The following RAB5B variants were observed in gnomAD, a reference collection of about 807,000 sequenced individuals.
RAB5B encodes the protein RAB5B, member RAS oncogene family.
Under a neutral mutation model 28.6 loss-of-function variants are expected in RAB5B, and 11 were observed. The observed-to-expected ratio is 0.38, with a 90% CI of 0.24 to 0.64. The LOEUF is 0.64. Ranked by LOEUF, RAB5B falls within the 30% of genes least tolerant of loss-of-function variation. RAB5B has a pLI of 0.53. For synonymous variants in RAB5B, 93 were observed against 97.9 expected (o/e 0.95, Z 0.29); for missense variants, 169 against 265.6 (o/e 0.64, Z 2.53).
At chr12:55,985,549 C>T (rs996971619) in intron 1 of RAB5B, 9 of 331,966 alleles carry the variant, frequency 2.7e-5, no homozygotes, top group South Asian at 6.9e-5. Flanking sequence ...CAGATTTAGA[C>T]GATTAGAATC....
At chr12:55,974,667 T>C (rs1889596156) in intron 1 of RAB5B, among the ~76,000 whole-genome samples, 1 of 152,002 alleles carries the variant, frequency 6.6e-6, no homozygotes, top group South Asian at 2.1e-4. Flanking sequence ...GGTGCTATGG[T>C]GTTGAGCTGA....
chr12:55,982,426 T>C (rs1889835128), intron 1 of RAB5B, among the ~76,000 whole-genome samples: 1 of 152,144 alleles, frequency 6.6e-6, no homozygotes, highest in South Asian at 2.1e-4. Context: ...TAGAGGTGGC[T>C]CAACAATTGC....
chr12:55,985,850 C>G (rs1315310465), intron 1 of RAB5B: 8 of 344,920 alleles, frequency 2.3e-5, no homozygotes, highest in Non-Finnish European at 4.1e-5. Context: ...CTTACTGATT[C>G]TTGATAGACT....
chr12:55,982,872 T>C (rs1202854804), intron 1 of RAB5B, among the ~76,000 whole-genome samples: 4 of 152,194 alleles, frequency 2.6e-5, no homozygotes, highest in Non-Finnish European at 4.4e-5. Context: ...TCCTTTATTG[T>C]AGAGTAGTAA....
chr12:55,986,542 G>A (rs71459327), intron 1 of RAB5B, among the ~76,000 whole-genome samples: 11,356 of 152,250 alleles, frequency 0.075, 472 homozygotes, highest in Non-Finnish European at 0.081. Context: ...TATTCTTCAG[G>A]CCAGCTAAAG....
In RAB5B at chr12:55,987,565, C is replaced by A. The variant is rs373255912; in HGVS notation, c.163+442C>A. On this transcript the variant is annotated intron_variant, in intron 2 of 5. Coordinates refer to ENST00000360299, the MANE Select transcript of RAB5B (RefSeq NM_002868.4). The stretch of plus-strand genomic sequence containing the variant: ...GGAAACCCTTTATAAAAACAGAGGC[C>A]GGTCCCAGTGGCCCACCACTTTGGG... Among the ~76,000 whole-genome samples the A allele has an allele frequency of 2.8e-3, 427 of 152,182 alleles. 3 individuals carry two copies. Among genetic ancestry groups the A allele is most frequent in the African/African-American group, 0.01 (419 of 41,530 alleles).
chr12:55,987,119 T>C lies in RAB5B; in HGVS notation c.159T>C (p.Ile53=). The change falls in exon 2 of 6, where the codon ATT becomes ATC. Residue 53 remains isoleucine (I), a synonymous_variant. Transcript: ENST00000360299. ...TCCATGAGTACCAGGAGAGCACCATTGGAGGTGAGTGCCTTGGGGTAATAG... is the reference window on the plus strand; with the variant it reads ...TCCATGAGTACCAGGAGAGCACCATCGGAGGTGAGTGCCTTGGGGTAATAG... ...GQFHEYQEST[I]GAAFLTQSVC... is the part of the protein sequence containing the mutation. 2 of 1,612,980 alleles carry C rather than the reference T, an allele frequency of 1.2e-6. No homozygotes were observed. The highest frequency in any genetic ancestry group is 3.3e-5 in the Admixed American group (2 of 59,978).
In RAB5B at chr12:55,992,938, T is replaced by G. The variant is rs1354276002; in HGVS notation, c.*726T>G. On this transcript the variant is annotated 3_prime_UTR_variant, in exon 6 of 6. Coordinates refer to ENST00000360299, the MANE Select transcript of RAB5B (RefSeq NM_002868.4). ...AGTGTCAACTGTGGCTCTGTAACTC[T>G]TCAAAGGCCCAGTTTCCCCTCACGC... 9.4e-6 allele frequency: 2 copies of G among 211,724 alleles called. No homozygotes were observed. The highest frequency in any genetic ancestry group is 9.3e-6 in the Non-Finnish European group (1 of 107,200). 13.1% of individuals were successfully genotyped at this position (211,724 alleles called of 1,614,324 possible).
intron 1 of RAB5B, among the ~76,000 whole-genome samples, chr12:55,981,342 G>C (rs1194681047): frequency 1.3e-5 from 2 of 152,068 alleles, no homozygotes; most frequent in South Asian, 4.2e-4. Flanking sequence ...AGGATTACAG[G>C]TGTAAGCCAC....
Position 55,996,003 on chromosome 12 carries a change from A to ATATATTTTTTTTTTTT in RAB5B, c.*3792_*3793insATATTTTTTTTTTTTT. On this transcript the variant is annotated 3_prime_UTR_variant, in exon 6 of 6. Coordinates refer to ENST00000360299, the MANE Select transcript of RAB5B (RefSeq NM_002868.4). ...TATATACATATATATATATATATAT[A>ATATATTTTTTTTTTTT]TTTTTTTTTTAACAACTGGTAGGAT... The ATATATTTTTTTTTTTT allele has an allele frequency of 2.1e-5, 2 of 97,434 alleles. No individual in the cohort carries two copies. The allele number at this position is 97,434 out of a possible 1,614,324, so 6.0% of individuals were successfully genotyped here.
In RAB5B at chr12:55,992,708, G is replaced by A. The variant is rs1231087005; in HGVS notation, c.*496G>A. On this transcript the variant is annotated 3_prime_UTR_variant, in exon 6 of 6. Coordinates refer to ENST00000360299, the MANE Select transcript of RAB5B (RefSeq NM_002868.4). ...CATTTACATTAAGGGCCCTGGGGGAGAATAAAGCTCAGAGCAGGAGGGAGT... is the reference window on the plus strand; with the variant it reads ...CATTTACATTAAGGGCCCTGGGGGAAAATAAAGCTCAGAGCAGGAGGGAGT... The A allele has an allele frequency of 1.6e-5, 6 of 366,324 alleles. No homozygotes were observed. The highest frequency in any genetic ancestry group is 3.9e-4 in the Middle Eastern group (1 of 2,572). 22.7% of individuals were successfully genotyped at this position (366,324 alleles called of 1,614,324 possible).
intron 2 of RAB5B, among the ~76,000 whole-genome samples, chr12:55,988,935 C>CTTTTTT (rs35994383): frequency 1.9e-4 from 18 of 94,674 alleles, no homozygotes; most frequent in Non-Finnish European, 2.3e-4. Flanking sequence ...CTAATTAATT[C>CTTTTTT]TTTTTTTTTT....
At chr12:55,980,071 G>A (rs1889757937) in intron 1 of RAB5B, among the ~76,000 whole-genome samples, 1 of 152,162 alleles carries the variant, frequency 6.6e-6, no homozygotes, top group South Asian at 2.1e-4. Flanking sequence ...CCCTTTGCAG[G>A]ACCCTAAAAC....
At chr12:55,978,825 T>C (rs907603484) in intron 1 of RAB5B, among the ~76,000 whole-genome samples, 4 of 149,906 alleles carry the variant, frequency 2.7e-5, no homozygotes, top group Non-Finnish European at 5.9e-5. Flanking sequence ...CAGGCTGGAG[T>C]ACAGTGGTGC....
At chr12:55,978,927 C>A (rs141892507) in intron 1 of RAB5B, among the ~76,000 whole-genome samples, 1 of 152,228 alleles carries the variant, frequency 6.6e-6, no homozygotes, top group Non-Finnish European at 1.5e-5. Context: ...CCTGTGCCAA[C>A]ATGCCCAGCT....
At chr12:55,986,749 A>T (rs1889961506) in intron 1 of RAB5B, 120 bp from the exon 2 acceptor site, 7 of 585,842 alleles carry the variant, frequency 1.2e-5, no homozygotes, top group Non-Finnish European at 2.1e-5. Flanking sequence ...GCTGCCTGGG[A>T]CCTTCTCAGA....
chr12:55,985,917 A>G (rs1889939422), intron 1 of RAB5B, among the ~76,000 whole-genome samples: 1 of 151,758 alleles, frequency 6.6e-6, no homozygotes, highest in Non-Finnish European at 1.5e-5. Context: ...AATGAAACAA[A>G]GAGTTGATAA....
In RAB5B at chr12:55,992,129, C is replaced by T. The variant is rs923837637; in HGVS notation, c.565C>T (p.Leu189=). Residue 189 remains leucine (L), a synonymous_variant, in exon 6 of 6, where the codon CTG becomes TTG. Coordinates refer to ENST00000360299, the MANE Select transcript of RAB5B (RefSeq NM_002868.4). ...KKLPKSEPQN[L]GGAAGRSRGV... ...GTTGCCAAAGAGTGAACCCCAGAATCTGGGAGGTGCAGCAGGCCGAAGCCG... is the reference window on the plus strand; with the variant it reads ...GTTGCCAAAGAGTGAACCCCAGAATTTGGGAGGTGCAGCAGGCCGAAGCCG... 6.2e-7 allele frequency: 1 copy of T among 1,614,086 alleles called. No individual in the cohort carries two copies. The highest frequency in any genetic ancestry group is 8.5e-7 in the Non-Finnish European group (1 of 1,180,008).
At chr12:55,987,724 G>T (rs199991079) in intron 2 of RAB5B, among the ~76,000 whole-genome samples, 1 of 150,762 alleles carries the variant, frequency 6.6e-6, no homozygotes, top group African/African-American at 2.4e-5. Context: ...CCAGCTACTC[G>T]GGAGGCTAAG....
Sources: gnomAD v4.1 joint callset for allele counts (sites outside exome capture counted in the v4.1 genomes callset) on GRCh38, gnomAD v4.1.1 for gene constraint, MANE v1.5 for transcripts, NCBI Gene and HGNC (gene_info 2026-07-23, HGNC 2026-07-21) for gene names.